Variants in ESRRB observed in about 807,000 individuals in gnomAD.
ESRRB encodes estrogen related receptor beta, also known as steroid hormone receptor ERR2.
In ESRRB, 16 loss-of-function variants were observed where a neutral mutation model predicts 46.0. That is an observed-to-expected ratio of 0.35 (90% confidence interval 0.24 to 0.53). The LOEUF (loss-of-function observed/expected upper bound fraction) is 0.53, where lower values mean the gene tolerates loss of function less well. Ranked by LOEUF, ESRRB falls within the 20% of genes least tolerant of loss-of-function variation. ESRRB has a pLI of 0.93. For synonymous variants in ESRRB, 246 were observed against 259.6 expected (o/e 0.95, Z 0.50); for missense variants, 488 against 607.4 (o/e 0.80, Z 2.07).
intron 1 of ESRRB, among the ~76,000 whole-genome samples, chr14:76,311,326 G>A (rs971256719): frequency 5.9e-5 from 9 of 152,154 alleles, no homozygotes; most frequent in African/African-American, 2.2e-4. Flanking sequence ...TGGCAGCTCC[G>A]GTGTAGGGCA....
chr14:76,469,718 C>A (rs888664473), intron 3 of ESRRB, among the ~76,000 whole-genome samples: 6 of 152,076 alleles, frequency 3.9e-5, no homozygotes, highest in Non-Finnish European at 4.4e-5. Context: ...TATATTTTGT[C>A]CCTTCATCTC....
intron 1 of ESRRB, among the ~76,000 whole-genome samples, chr14:76,366,189 G>A (rs1884520290): frequency 6.6e-6 from 1 of 152,172 alleles, no homozygotes; most frequent in African/African-American, 2.4e-5. Context: ...TGGCCAATAA[G>A]AAGTGAGGAT....
intron 1 of ESRRB, among the ~76,000 whole-genome samples, chr14:76,337,708 C>T (rs759491584): frequency 9.2e-5 from 14 of 152,178 alleles, no homozygotes; most frequent in African/African-American, 2.7e-4. Flanking sequence ...AGGCTTTGGT[C>T]GATTACCAAC....
chr14:76,498,410 A>G lies in ESRRB; in HGVS notation c.1317A>G (p.Lys439=). The part of the protein sequence containing the change: ...QHFYSVKLQG[K]VPMHKLFLEM... ...TCTATAGCGTCAAACTGCAGGGCAA[A>G]GTGCCCATGCACAAACTCTTCCTGG... The change falls in exon 7 of 7, where the codon AAA becomes AAG. Residue 439 remains lysine, a synonymous_variant. Transcript: ENST00000644823. The G allele has an allele frequency of 6.2e-7, 1 of 1,613,540 alleles. No individual in the cohort carries two copies. The highest frequency in any genetic ancestry group is 8.5e-7 in the Non-Finnish European group (1 of 1,179,988).
Position 76,397,457 on chromosome 14 carries a change from A to G in ESRRB, c.50+21006A>G, listed in dbSNP as rs1476261498. 3.9e-5 allele frequency among the ~76,000 whole-genome samples: 6 copies of G among 152,346 alleles called. No individual in the cohort carries two copies. In the East Asian group the frequency reaches 1.2e-3, roughly 29 times the overall value. ...AGCCAAAGCGCCAGGTACCCCATCC[A>G]GGGTGTCAGTAATGTGTGGAGTTTG... On this transcript the variant is annotated intron_variant, in intron 1 of 6. Transcript: ENST00000644823.
In ESRRB at chr14:76,323,309, T is replaced by C. The variant is rs1462576895; in HGVS notation, c.2+12393T>C. ...TGGTCTCTCTCTCTCTCTTTCTCTT[T>C]TTTTTTTTTTTTTCTTTTGAGAGAG... On this transcript the variant is annotated intron_variant, in intron 1 of 6. Transcript: ENST00000512784. Among the ~76,000 whole-genome samples, 547 of 148,694 alleles carry C rather than the reference T, an allele frequency of 3.7e-3. 2 individuals carry two copies. The highest frequency in any genetic ancestry group is 0.013 in the African/African-American group (525 of 39,800).
chr14:76,379,346 G>A (rs960151259), intron 1 of ESRRB, among the ~76,000 whole-genome samples: 2 of 152,140 alleles, frequency 1.3e-5, no homozygotes, highest in Non-Finnish European at 2.9e-5. Flanking sequence ...AGCAAGGGGG[G>A]CTATCTTCCC....
At chr14:76,431,174 A>C (rs1262278415) in intron 1 of ESRRB, among the ~76,000 whole-genome samples, 1 of 152,198 alleles carries the variant, frequency 6.6e-6, no homozygotes, top group African/African-American at 2.4e-5. Context: ...ACACGCCTGT[A>C]GTTCCAGCTA....
intron 1 of ESRRB, among the ~76,000 whole-genome samples, chr14:76,426,244 G>A (rs1887196554): frequency 6.6e-6 from 1 of 152,188 alleles, no homozygotes; most frequent in African/African-American, 2.4e-5. Flanking sequence ...AGGAATAGGA[G>A]ACAGGAGGGG....
intron 1 of ESRRB, among the ~76,000 whole-genome samples, chr14:76,321,194 T>C (rs554905302): frequency 1.4e-4 from 21 of 152,240 alleles, no homozygotes; most frequent in Non-Finnish European, 2.9e-4. Flanking sequence ...CTTTGCCATT[T>C]TATAAAATGT....
At chr14:76,391,103 T>C (rs186536439) in intron 1 of ESRRB, among the ~76,000 whole-genome samples, 12 of 152,188 alleles carry the variant, frequency 7.9e-5, no homozygotes, top group East Asian at 1.9e-4. Flanking sequence ...CAATCCCGAG[T>C]TGGATCACAC....
chr14:76,420,173 G>A (rs528480466), intron 1 of ESRRB, among the ~76,000 whole-genome samples: 56 of 152,268 alleles, frequency 3.7e-4, no homozygotes, highest in African/African-American at 1.3e-3. Flanking sequence ...ATGACTAGCG[G>A]GCAGCTTCCC....
At chr14:76,342,804 C>A (rs753300412) in intron 1 of ESRRB, among the ~76,000 whole-genome samples, 3 of 152,158 alleles carry the variant, frequency 2.0e-5, no homozygotes, top group African/African-American at 7.2e-5. Flanking sequence ...TTAGAAAATT[C>A]TTGTTGAGCA....
intron 2 of ESRRB, among the ~76,000 whole-genome samples, chr14:76,455,515 T>A (rs1445397929): frequency 6.6e-6 from 1 of 152,180 alleles, no homozygotes. Context: ...TGCCATTTCC[T>A]TCTTGACATG....
At chr14:76,346,460 G>GT (rs1162943107) in intron 1 of ESRRB, among the ~76,000 whole-genome samples, 1 of 152,236 alleles carries the variant, frequency 6.6e-6, no homozygotes, top group African/African-American at 2.4e-5. Flanking sequence ...AGTGTCCTGG[G>GT]TTTGAAAGCA....
chr14:76,496,533 G>A (rs941050939), intron 6 of ESRRB, among the ~76,000 whole-genome samples: 11 of 111,324 alleles, frequency 9.9e-5, no homozygotes, highest in African/African-American at 3.1e-4. Flanking sequence ...GGGCTGTGAA[G>A]GGATTGGATT....
chr14:76,349,871 A>G (rs1439509749), intron 1 of ESRRB, among the ~76,000 whole-genome samples: 1 of 152,190 alleles, frequency 6.6e-6, no homozygotes, highest in Non-Finnish European at 1.5e-5. Context: ...TGCAGCTAGG[A>G]AAATACTGCT....
intron 3 of ESRRB, among the ~76,000 whole-genome samples, chr14:76,480,213 T>C (rs1258926543): frequency 6.6e-6 from 1 of 152,052 alleles, no homozygotes; most frequent in African/African-American, 2.4e-5. Context: ...AGACTCCCCC[T>C]CTCCCCGACT....
At chr14:76,439,832 T>G (rs923147422) in intron 2 of ESRRB, 82 bp downstream of exon 2, 14 of 1,489,632 alleles carry the variant, frequency 9.4e-6, no homozygotes, top group African/African-American at 2.8e-5. Flanking sequence ...GCCCTAGGAA[T>G]TCCCAGAGAC....
Sources: gnomAD v4.1 joint callset for allele counts (sites outside exome capture counted in the v4.1 genomes callset) on GRCh38, gnomAD v4.1.1 for gene constraint, MANE v1.5 for transcripts, NCBI Gene and HGNC (gene_info 2026-07-23, HGNC 2026-07-21) for gene names.